C19orf47: variants seen among roughly 807,000 people sequenced by gnomAD.
The protein encoded by C19orf47 is chromosome 19 open reading frame 47.
A neutral mutation model predicts 32.3 loss-of-function variants in C19orf47; 18 were observed. That is an observed-to-expected ratio of 0.56 (90% CI 0.39 to 0.83). The LOEUF (loss-of-function observed/expected upper bound fraction) is 0.83, where lower values mean the gene tolerates loss of function less well. Among genes scored for constraint, C19orf47 ranks in the 40% least tolerant of loss-of-function variants. The pLI, the probability that C19orf47 is intolerant of heterozygous loss-of-function variation, is 0.00. For missense variants in C19orf47, 484 were observed against 531.6 expected, an observed-to-expected ratio of 0.91 and a Z score of 0.88; for synonymous variants, 202 against 211.1, an observed-to-expected ratio of 0.96 and a Z score of 0.37.
chr19:40,323,093 A>G (rs1017572624), intron 8 of C19orf47, among the ~76,000 whole-genome samples: 9 of 152,226 alleles, frequency 5.9e-5, no homozygotes, highest in Admixed American at 2.0e-4. Flanking sequence ...AGCACTCGCT[A>G]TGCGCCCAGC....
At chr19:40,332,549 A>C (rs1050350078) in intron 5 of C19orf47, 3 of 152,002 alleles carry the variant, frequency 2.0e-5, no homozygotes, top group African/African-American at 7.2e-5. Context: ...CGGGAGGCTG[A>C]GGCAGGAGAA....
intron 5 of C19orf47, among the ~76,000 whole-genome samples, chr19:40,333,381 C>CA (rs2077995627): frequency 6.6e-6 from 1 of 151,854 alleles, no homozygotes; most frequent in Non-Finnish European, 1.5e-5. Context: ...TGTACCTGAT[C>CA]AAAAAAATGT....
intron 2 of C19orf47, among the ~76,000 whole-genome samples, chr19:40,340,410 C>T (rs1054300789): frequency 2.0e-5 from 3 of 152,110 alleles, no homozygotes; most frequent in Admixed American, 6.6e-5. Flanking sequence ...CAGCCAGGCG[C>T]GGTGGCTCAC....
the C19orf47 span, among the ~76,000 whole-genome samples, chr19:40,309,838 GAC>G: frequency 7.9e-5 from 12 of 152,134 alleles, no homozygotes; most frequent in Non-Finnish European, 1.5e-5. Flanking sequence ...CACCCACTAG[GAC>G]AACTATAATC....
rs1270745772 is a variant in C19orf47, at chr19:40,341,843, A to T, written c.15T>A (p.Thr5=). 1.3e-6 allele frequency: 2 copies of T among 1,536,056 alleles called. No homozygotes were observed. Among genetic ancestry groups the T allele is most frequent in the Non-Finnish European group, 1.7e-6 (2 of 1,146,920 alleles). MVSV[T]MATSEWIQFF... is the part of the protein sequence containing the mutation. ...GAGAGAAGGCCACAGACTCACCCAT[A>T]GTCACGGAGACCATCGTCTCCCTGG... Residue 5 remains threonine (T), a synonymous_variant, in exon 2 of 9, where the codon ACT becomes ACA. Transcript: ENST00000683109.
At chr19:40,324,181 G>T in intron 7 of C19orf47, 105 bp from the exon 8 acceptor site, 1 of 1,096,786 alleles carries the variant, frequency 9.1e-7, no homozygotes, top group Non-Finnish European at 1.4e-6. Flanking sequence ...CTCTGGGACA[G>T]GCAGGGCCAG....
chr19:40,312,822 C>G, the C19orf47 span, among the ~76,000 whole-genome samples: 1 of 152,122 alleles, frequency 6.6e-6, no homozygotes, highest in Non-Finnish European at 1.5e-5. Flanking sequence ...CCAGTCAACC[C>G]CTGGGACTAT....
chr19:40,308,317 G>A, the C19orf47 span, among the ~76,000 whole-genome samples: 1 of 151,612 alleles, frequency 6.6e-6, no homozygotes, highest in Non-Finnish European at 1.5e-5. Flanking sequence ...CACCACACCC[G>A]GCTAATTTTC....
downstream of C19orf47, among the ~76,000 whole-genome samples, chr19:40,316,966 G>GTGTA (rs1555783559): frequency 1.0e-3 from 155 of 151,684 alleles, no homozygotes; most frequent in South Asian, 7.9e-3. Context: ...GTGTGTGTGT[G>GTGTA]TACATCTCAC....
the C19orf47 span, among the ~76,000 whole-genome samples, chr19:40,294,011 T>G: frequency 1.2e-3 from 187 of 152,142 alleles, no homozygotes; most frequent in Middle Eastern, 0.01. Flanking sequence ...TTCCAGCTAC[T>G]TAAGAGGCTG....
chr19:40,336,489 C>T lies in C19orf47; in HGVS notation c.20-82G>A, dbSNP rs1003345130. On this transcript the variant is annotated intron_variant, in intron 2 of 8. Transcript: ENST00000683109. ...GCAAAACCACAATCACAGCAGCTCC[C>T]ACAAATTAAATGCTCATCATATGCC... is the stretch of plus-strand genomic sequence containing the variant. 6.4e-5 allele frequency: 81 copies of T among 1,274,286 alleles called. No homozygotes were observed. The East Asian group carries it at 2.0e-3, about 31-fold the overall frequency. 78.9% of individuals were successfully genotyped at this position (1,274,286 alleles called of 1,614,324 possible).
chr19:40,296,071 C>T, the C19orf47 span, among the ~76,000 whole-genome samples: 1 of 151,970 alleles, frequency 6.6e-6, no homozygotes, highest in African/African-American at 2.4e-5. Context: ...AATACAGTCA[C>T]GTGTCACTTA....
At chr19:40,297,737 G>A in the C19orf47 span, among the ~76,000 whole-genome samples, 1 of 151,600 alleles carries the variant, frequency 6.6e-6, no homozygotes, top group Non-Finnish European at 1.5e-5. Flanking sequence ...AGCTGGGCGT[G>A]GTGGCGGGCA....
At chr19:40,294,381 T>C in the C19orf47 span, among the ~76,000 whole-genome samples, 32,455 of 152,020 alleles carry the variant, frequency 0.21, 4,269 homozygotes, top group African/African-American at 0.36. Context: ...AGAAAATGTG[T>C]GCGAACTAGT....
intron 4 of C19orf47, among the ~76,000 whole-genome samples, chr19:40,335,608 ATT>A (rs546028873): frequency 1.0e-4 from 14 of 139,150 alleles, no homozygotes; most frequent in East Asian, 4.2e-4. Flanking sequence ...ACCATTCAAG[ATT>A]TTTTTTTTTT....
the C19orf47 span, among the ~76,000 whole-genome samples, chr19:40,309,251 G>T: frequency 6.6e-6 from 1 of 150,406 alleles, no homozygotes; most frequent in African/African-American, 2.5e-5. Flanking sequence ...GTGTACAGTG[G>T]CTCGGTCTCA....
At chr19:40,348,196 T>C (rs2078364654) in intron 1 of C19orf47, 128 bp downstream of exon 1, 3 of 573,268 alleles carry the variant, frequency 5.2e-6, no homozygotes, top group Non-Finnish European at 7.9e-6. Context: ...GGGAGGAAAC[T>C]GAGGCTCAAA....
the C19orf47 span, among the ~76,000 whole-genome samples, chr19:40,305,138 T>C: frequency 6.6e-6 from 1 of 151,818 alleles, no homozygotes; most frequent in Non-Finnish European, 1.5e-5. Flanking sequence ...AGATCAGGAG[T>C]TCGACACCAG....
At position 40,321,457 on chromosome 19, in the gene C19orf47, G is replaced by A; in HGVS notation, c.*425C>T. On this transcript the variant is annotated 3_prime_UTR_variant, in exon 9 of 9. Transcript: ENST00000683109. ...CGCAGAGGAGTGAGGGAGGTCAGTG[G>A]GGAGTGGGGGAAGGGAGGCCCACCA... 1 of 1,010,856 alleles carries A rather than the reference G, an allele frequency of 9.9e-7. No homozygotes were observed. The highest frequency in any genetic ancestry group is 1.2e-6 in the Non-Finnish European group (1 of 845,272). The allele number at this position is 1,010,856 out of a possible 1,614,324, so 62.6% of individuals were successfully genotyped here.
Sources: allele counts gnomAD v4.1 joint callset (sites outside exome capture counted in the v4.1 genomes callset), GRCh38; gene constraint gnomAD v4.1.1; transcripts MANE v1.5; gene names NCBI Gene and HGNC (gene_info 2026-07-23, HGNC 2026-07-21).